PRKCB: variants seen among roughly 807,000 people sequenced by gnomAD.
The protein encoded by PRKCB is protein kinase C beta, also known as protein kinase C beta type.
PRKCB carries 13 observed loss-of-function variants against 81.5 expected under a neutral mutation model. That is an observed-to-expected ratio of 0.16 (90% CI 0.10 to 0.25). PRKCB has a LOEUF of 0.25. Among genes scored for constraint, PRKCB ranks in the 10% least tolerant of loss-of-function variants. The probability of loss-of-function intolerance (pLI) is 1.00; values close to 1 mark genes in which losing one functional copy is unlikely to be tolerated. For synonymous variants in PRKCB, 335 were observed against 321.4 expected, an observed-to-expected ratio of 1.04 and a Z score of -0.45; for missense variants, 509 against 875.7, an observed-to-expected ratio of 0.58 and a Z score of 5.29.
At chr16:23,836,778 G>C (rs1225297604) in intron 1 of PRKCB, among the ~76,000 whole-genome samples, 2 of 151,318 alleles carry the variant, frequency 1.3e-5, no homozygotes, top group Non-Finnish European at 3.0e-5. Flanking sequence ...CGGGGGGGGC[G>C]GCGCCCTGGG....
In PRKCB at chr16:24,219,066, G is replaced by A. The variant is rs1211692655; in HGVS notation, c.*4250G>A. 8.1e-6 allele frequency: 8 copies of A among 985,256 alleles called. No individual in the cohort carries two copies. Among genetic ancestry groups the A allele is most frequent in the Non-Finnish European group, 9.6e-6 (8 of 829,984 alleles). The allele number at this position is 985,256 out of a possible 1,614,324, so 61.0% of individuals were successfully genotyped here. A position where few individuals can be genotyped will look rare whatever the true frequency, so the allele number is the denominator to read the frequency against. ...ATGAGGAAAGACAAGAGGCTTGCAA[G>A]GACCCTGAAGAGGTCGGAGCATCAT... is the stretch of plus-strand genomic sequence containing the variant. On this transcript the variant is annotated 3_prime_UTR_variant, in exon 17 of 17. Transcript: ENST00000643927.
intron 2 of PRKCB, among the ~76,000 whole-genome samples, chr16:23,973,075 T>C (rs180929844): frequency 5.3e-5 from 8 of 152,264 alleles, no homozygotes; most frequent in African/African-American, 1.9e-4. Flanking sequence ...ATAAAGTGGC[T>C]TGGAGATGTT....
At position 24,217,249 on chromosome 16, in the gene PRKCB, A is replaced by T; in HGVS notation, c.*2433A>T. On this transcript the variant is annotated 3_prime_UTR_variant, in exon 17 of 17. Coordinates refer to ENST00000643927, the MANE Select transcript of PRKCB (RefSeq NM_002738.7). ...CTTGCCATTATTTTTCAAAAGTTTA[A>T]TAGTTTGCAGAAATAGATACTCAAG... is the stretch of plus-strand genomic sequence containing the variant. 1.0e-6 allele frequency: 1 copy of T among 985,396 alleles called. No homozygotes were observed. The allele number at this position is 985,396 out of a possible 1,614,324, so 61.0% of individuals were successfully genotyped here.
At chr16:23,865,469 A>T (rs1962758119) in intron 2 of PRKCB, among the ~76,000 whole-genome samples, 1 of 634 alleles carries the variant, frequency 1.6e-3, no homozygotes, top group Non-Finnish European at 2.4e-3. Context: ...TGCCCGGCAT[A>T]TATATATATA....
At chr16:24,123,676 C>T (rs542160306) in intron 8 of PRKCB, among the ~76,000 whole-genome samples, 159 bp from the exon 9 acceptor site, 21 of 152,194 alleles carry the variant, frequency 1.4e-4, no homozygotes, top group Middle Eastern at 3.4e-3. Flanking sequence ...AAAGGATGTC[C>T]GACAGGTTTC....
intron 12 of PRKCB, among the ~76,000 whole-genome samples, chr16:24,178,777 G>A (rs559417082): frequency 6.6e-6 from 1 of 152,282 alleles, no homozygotes; most frequent in South Asian, 2.1e-4. Flanking sequence ...CTTTGAATAA[G>A]GAGACCCCAC....
chr16:24,146,299 T>C (rs2141947562), intron 9 of PRKCB, among the ~76,000 whole-genome samples: 1 of 152,294 alleles, frequency 6.6e-6, no homozygotes, highest in East Asian at 1.9e-4. Flanking sequence ...CTTTTGGTCA[T>C]GCTAGGAAAC....
At chr16:23,940,298 A>G (rs1964124060) in intron 2 of PRKCB, among the ~76,000 whole-genome samples, 1 of 152,152 alleles carries the variant, frequency 6.6e-6, no homozygotes, top group Non-Finnish European at 1.5e-5. Flanking sequence ...GTTTTTTAAA[A>G]CATGCCAACT....
At chr16:24,204,355 G>C (rs969197340) in intron 16 of PRKCB, among the ~76,000 whole-genome samples, 4 of 152,030 alleles carry the variant, frequency 2.6e-5, no homozygotes, top group Admixed American at 2.6e-4. Flanking sequence ...AAAGCCCATG[G>C]GCTTTGGAAT....
At chr16:24,004,875 A>G (rs1965096388) in intron 3 of PRKCB, among the ~76,000 whole-genome samples, 1 of 152,250 alleles carries the variant, frequency 6.6e-6, no homozygotes, top group South Asian at 2.1e-4. Flanking sequence ...CCATTTCAGG[A>G]TAAATGCATA....
intron 7 of PRKCB, among the ~76,000 whole-genome samples, chr16:24,107,182 T>G (rs1250602362): frequency 6.6e-6 from 1 of 152,238 alleles, no homozygotes; most frequent in Non-Finnish European, 1.5e-5. Flanking sequence ...ATTTGTTCCC[T>G]TTTCACAGAT....
chr16:24,071,260 A>T (rs1202225297), intron 5 of PRKCB, among the ~76,000 whole-genome samples: 1 of 151,928 alleles, frequency 6.6e-6, no homozygotes, highest in Non-Finnish European at 1.5e-5. Flanking sequence ...AACTCTGCAT[A>T]TCTGGTATGG....
Position 24,217,924 on chromosome 16 carries a change from T to A in PRKCB, c.*3108T>A. 2.0e-6 allele frequency: 2 copies of A among 985,386 alleles called. No homozygotes were observed. Among genetic ancestry groups the A allele is most frequent in the Non-Finnish European group, 2.4e-6 (2 of 829,936 alleles). The allele number at this position is 985,386 out of a possible 1,614,324, so 61.0% of individuals were successfully genotyped here. On this transcript the variant is annotated 3_prime_UTR_variant, in exon 17 of 17. Transcript: ENST00000643927. ...TGGCCCATTTGGGAGACCTTTAGGA[T>A]CAATGGGAATCAATTCCATTGTTTT...
chr16:23,967,275 C>A (rs1305724241), intron 2 of PRKCB, among the ~76,000 whole-genome samples: 2 of 152,196 alleles, frequency 1.3e-5, no homozygotes, highest in South Asian at 2.1e-4. Context: ...CTTATCCTTC[C>A]TTTTGGATGG....
At chr16:23,870,504 A>C (rs1452914820) in intron 2 of PRKCB, among the ~76,000 whole-genome samples, 2 of 152,250 alleles carry the variant, frequency 1.3e-5, no homozygotes, top group Non-Finnish European at 2.9e-5. Flanking sequence ...TGGGGCTTCA[A>C]GTCAGGTCTG....
intron 3 of PRKCB, among the ~76,000 whole-genome samples, chr16:24,025,761 A>G (rs564829192): frequency 6.6e-6 from 1 of 152,324 alleles, no homozygotes; most frequent in Admixed American, 6.5e-5. Context: ...GTTCTATCTT[A>G]GCCGCACATG....
chr16:24,209,088 A>G (rs1968093830), intron 16 of PRKCB, among the ~76,000 whole-genome samples: 1 of 152,160 alleles, frequency 6.6e-6, no homozygotes, highest in South Asian at 2.1e-4. Context: ...GGCCCAGGCG[A>G]AGAAACAGCC....
At chr16:23,884,424 C>T (rs1020006284) in intron 2 of PRKCB, among the ~76,000 whole-genome samples, 36 of 152,336 alleles carry the variant, frequency 2.4e-4, no homozygotes, top group African/African-American at 7.2e-4. Flanking sequence ...CGTTTTCTGC[C>T]TCTCTTTGCA....
At chr16:24,214,073 G>A (rs577495988) in intron 16 of PRKCB, among the ~76,000 whole-genome samples, 25 of 152,170 alleles carry the variant, frequency 1.6e-4, no homozygotes, top group Non-Finnish European at 3.4e-4. Context: ...GGCGTTGCAA[G>A]CATCAAACCC....
Sources: gnomAD v4.1 joint callset for allele counts (sites outside exome capture counted in the v4.1 genomes callset) on GRCh38, gnomAD v4.1.1 for gene constraint, MANE v1.5 for transcripts, NCBI Gene and HGNC (gene_info 2026-07-23, HGNC 2026-07-21) for gene names.